PRIM2: variants seen among roughly 807,000 people sequenced by gnomAD.
PRIM2 encodes DNA primase subunit 2.
PRIM2 carries 39 observed loss-of-function variants against 67.3 expected under a neutral mutation model. The ratio of observed to expected loss-of-function variants is 0.58; its 90% confidence interval spans 0.45 to 0.76. The LOEUF is 0.76. PRIM2 is among the 30% of genes least tolerant of loss of function. PRIM2 has a pLI of 0.00. For missense variants in PRIM2, 398 were observed against 598.7 expected (o/e 0.66, Z 3.50); for synonymous variants, 143 against 198.7 (o/e 0.72, Z 2.36).
the PRIM2 span, among the ~76,000 whole-genome samples, chr6:57,302,409 T>C: frequency 6.6e-6 from 1 of 152,296 alleles, no homozygotes; most frequent in Non-Finnish European, 1.5e-5. Flanking sequence ...TTCCATGGGT[T>C]TAACTGAGTG....
intron 5 of PRIM2, among the ~76,000 whole-genome samples, chr6:57,330,133 T>G (rs1768002774): frequency 6.6e-6 from 1 of 152,172 alleles, no homozygotes; most frequent in Non-Finnish European, 1.5e-5. Flanking sequence ...TTCCAATCCA[T>G]GAACATGGGA....
At chr6:57,618,303 T>C (rs1433205513) in intron 12 of PRIM2, among the ~76,000 whole-genome samples, 1 of 152,234 alleles carries the variant, frequency 6.6e-6, no homozygotes, top group Non-Finnish European at 1.5e-5. Flanking sequence ...ACGGATTGCA[T>C]TGAATCTGTA....
chr6:57,377,840 G>C (rs1279001834), intron 5 of PRIM2, among the ~76,000 whole-genome samples: 1 of 151,786 alleles, frequency 6.6e-6, no homozygotes, highest in African/African-American at 2.4e-5. Flanking sequence ...TAAAACACAG[G>C]TTTCATTTAG....
At chr6:57,261,895 G>C in the PRIM2 span, among the ~76,000 whole-genome samples, 11 of 152,252 alleles carry the variant, frequency 7.2e-5, no homozygotes, top group South Asian at 2.3e-3. Flanking sequence ...TTCTATTGCT[G>C]GTCTCTGGGT....
chr6:57,595,170 A>G (rs2127489729), intron 10 of PRIM2, among the ~76,000 whole-genome samples: 1 of 152,300 alleles, frequency 6.6e-6, no homozygotes, highest in Admixed American at 6.5e-5. Flanking sequence ...AAAATAGTAC[A>G]ACTACTCTGG....
At chr6:57,355,894 G>A (rs1769015851) in intron 5 of PRIM2, among the ~76,000 whole-genome samples, 1 of 151,860 alleles carries the variant, frequency 6.6e-6, no homozygotes, top group African/African-American at 2.4e-5. Flanking sequence ...TGCCTGCCTC[G>A]GCCTCCCAAA....
intron 13 of PRIM2, among the ~76,000 whole-genome samples, chr6:57,643,394 A>G (rs1326288617): frequency 6.6e-6 from 1 of 152,234 alleles, no homozygotes; most frequent in African/African-American, 2.4e-5. Context: ...TGATCTAGTC[A>G]GAAGGCCTGA....
At chr6:57,614,859 T>C (rs1776727125) in intron 12 of PRIM2, among the ~76,000 whole-genome samples, 1 of 151,726 alleles carries the variant, frequency 6.6e-6, no homozygotes, top group Non-Finnish European at 1.5e-5. Flanking sequence ...CAAATATATA[T>C]ATATATGTAT....
intron 3 of PRIM2, 33 bp from the exon 4 acceptor site, chr6:57,324,167 GC>G: frequency 6.0e-6 from 7 of 1,165,154 alleles, no homozygotes; most frequent in Non-Finnish European, 7.7e-6. Flanking sequence ...CCATTCTAAT[GC>G]ATTTATTTTA....
chr6:57,352,185 A>AT (rs1768878699), intron 5 of PRIM2, among the ~76,000 whole-genome samples: 1 of 152,056 alleles, frequency 6.6e-6, no homozygotes, highest in East Asian at 1.9e-4. Context: ...CTTGGAACTA[A>AT]TTTTTTGTGA....
At chr6:57,351,899 C>T (rs2127301234) in intron 5 of PRIM2, among the ~76,000 whole-genome samples, 1 of 152,064 alleles carries the variant, frequency 6.6e-6, no homozygotes, top group East Asian at 1.9e-4. Context: ...TTTTCATGAC[C>T]CCGTGTAAGT....
the PRIM2 span, among the ~76,000 whole-genome samples, chr6:57,247,678 T>C: frequency 6.6e-6 from 1 of 152,216 alleles, no homozygotes; most frequent in Admixed American, 6.5e-5. Flanking sequence ...AATCCTATCT[T>C]AGGTTGTCAT....
At chr6:57,357,383 C>T (rs1769064658) in intron 5 of PRIM2, among the ~76,000 whole-genome samples, 1 of 152,180 alleles carries the variant, frequency 6.6e-6, no homozygotes, top group African/African-American at 2.4e-5. Flanking sequence ...TCCCTGTTTA[C>T]CTCCCTAGCC....
At chr6:57,249,119 C>T in the PRIM2 span, among the ~76,000 whole-genome samples, 1 of 152,156 alleles carries the variant, frequency 6.6e-6, no homozygotes, top group African/African-American at 2.4e-5. Context: ...AAAGGCTAGA[C>T]TCTGACACCA....
intron 7 of PRIM2, among the ~76,000 whole-genome samples, chr6:57,474,781 G>A (rs1319875841): frequency 6.6e-6 from 1 of 152,184 alleles, no homozygotes; most frequent in Non-Finnish European, 1.5e-5. Flanking sequence ...AGAAGAAAGT[G>A]GAGGCTAGTG....
At chr6:57,244,314 C>A in the PRIM2 span, among the ~76,000 whole-genome samples, 1 of 152,204 alleles carries the variant, frequency 6.6e-6, no homozygotes, top group Non-Finnish European at 1.5e-5. Flanking sequence ...TCCCAGTTTG[C>A]AAACTGTTCA....
intron 12 of PRIM2, among the ~76,000 whole-genome samples, chr6:57,613,618 C>T (rs1158691150): frequency 6.6e-6 from 1 of 152,124 alleles, no homozygotes; most frequent in Non-Finnish European, 1.5e-5. Flanking sequence ...AACTTAGCTG[C>T]CACACTTTTA....
At chr6:57,299,397 G>T in the PRIM2 span, among the ~76,000 whole-genome samples, 1 of 152,106 alleles carries the variant, frequency 6.6e-6, no homozygotes, top group Non-Finnish European at 1.5e-5. Flanking sequence ...ACCTTGCATT[G>T]TGTTACATTT....
At chr6:57,371,017 T>TC (rs1215521902) in intron 5 of PRIM2, among the ~76,000 whole-genome samples, 1 of 151,996 alleles carries the variant, frequency 6.6e-6, no homozygotes, top group Non-Finnish European at 1.5e-5. Flanking sequence ...ATCTATAACT[T>TC]CTAATCTGAG....
Sources: allele counts gnomAD v4.1 joint callset (sites outside exome capture counted in the v4.1 genomes callset), GRCh38; gene constraint gnomAD v4.1.1; transcripts MANE v1.5; gene names NCBI Gene and HGNC (gene_info 2026-07-23, HGNC 2026-07-21).